The following AKAP6 variants were observed in gnomAD, a reference collection of about 807,000 sequenced individuals.
AKAP6 encodes A-kinase anchor protein 6.
In AKAP6, 58 loss-of-function variants were observed where a neutral mutation model predicts 188.5. The ratio of observed to expected loss-of-function variants is 0.31; its 90% CI spans 0.25 to 0.38. The LOEUF (loss-of-function observed/expected upper bound fraction) is 0.38. AKAP6 is among the 10% of genes least tolerant of loss of function. The pLI, the probability that AKAP6 is intolerant of heterozygous loss-of-function variation, is 1.00. For synonymous variants in AKAP6, 989 were observed against 998.6 expected, an observed-to-expected ratio of 0.99 and a Z score of 0.18; for missense variants, 2,710 against 2,740.0, an observed-to-expected ratio of 0.99 and a Z score of 0.24.
intron 5 of AKAP6, among the ~76,000 whole-genome samples, chr14:32,599,153 C>T (rs1222223365): frequency 1.3e-5 from 2 of 152,230 alleles, no homozygotes; most frequent in South Asian, 2.1e-4. Flanking sequence ...ATATAGCCTA[C>T]GGGATGTGAC....
intron 13 of AKAP6, among the ~76,000 whole-genome samples, chr14:32,828,272 T>G (rs1326452605): frequency 6.6e-6 from 1 of 152,104 alleles, no homozygotes; most frequent in African/African-American, 2.4e-5. Flanking sequence ...TGACATTAGG[T>G]GCTTAATATT....
At chr14:32,567,936 G>GA in intron 4 of AKAP6, among the ~76,000 whole-genome samples, 1 of 152,090 alleles carries the variant, frequency 6.6e-6, no homozygotes, top group East Asian at 1.9e-4. Flanking sequence ...TGAGCAAGTG[G>GA]AAAAAAGAGG....
chr14:32,493,538 C>T (rs1441445786), intron 2 of AKAP6, among the ~76,000 whole-genome samples: 1 of 152,050 alleles, frequency 6.6e-6, no homozygotes, highest in Non-Finnish European at 1.5e-5. Flanking sequence ...ATTTGATATG[C>T]GATTGGATCA....
intron 9 of AKAP6, among the ~76,000 whole-genome samples, chr14:32,728,813 T>C (rs867040568): frequency 6.6e-6 from 1 of 152,186 alleles, no homozygotes; most frequent in Non-Finnish European, 1.5e-5. Context: ...AATTCCATCA[T>C]GCTGCCTTTT....
intron 5 of AKAP6, among the ~76,000 whole-genome samples, chr14:32,580,761 T>G (rs896069032): frequency 6.6e-6 from 1 of 151,936 alleles, no homozygotes; most frequent in African/African-American, 2.4e-5. Flanking sequence ...TGTCCATGTG[T>G]TCTCATTGTT....
intron 4 of AKAP6, among the ~76,000 whole-genome samples, chr14:32,550,820 C>T (rs1277607954): frequency 1.3e-5 from 2 of 152,226 alleles, no homozygotes; most frequent in Non-Finnish European, 2.9e-5. Flanking sequence ...AAATTAACCA[C>T]TAACCACTTC....
intron 4 of AKAP6, among the ~76,000 whole-genome samples, chr14:32,551,298 G>A (rs1047464358): frequency 2.6e-5 from 4 of 152,064 alleles, no homozygotes; most frequent in African/African-American, 9.7e-5. Flanking sequence ...CCAGCTGGGC[G>A]CCGTGGCTCA....
chr14:32,353,701 A>G (rs1265596436), intron 1 of AKAP6, among the ~76,000 whole-genome samples: 1 of 152,214 alleles, frequency 6.6e-6, no homozygotes, highest in Admixed American at 6.5e-5. Context: ...TTGTATATCT[A>G]GAAAACCCCA....
intron 12 of AKAP6, among the ~76,000 whole-genome samples, chr14:32,796,133 A>C (rs2033761595): frequency 6.6e-6 from 1 of 152,172 alleles, no homozygotes; most frequent in Admixed American, 6.6e-5. Context: ...CAGAGAGTAC[A>C]TAAACAAATG....
At chr14:32,704,317 A>T (rs374356525) in intron 9 of AKAP6, among the ~76,000 whole-genome samples, 3 of 152,318 alleles carry the variant, frequency 2.0e-5, no homozygotes, top group East Asian at 3.9e-4. Context: ...ACTTAATTAG[A>T]TGGGAATGCG....
At chr14:32,608,313 A>G (rs925877657) in intron 7 of AKAP6, among the ~76,000 whole-genome samples, 2 of 151,846 alleles carry the variant, frequency 1.3e-5, no homozygotes, top group Non-Finnish European at 2.9e-5. Context: ...AGCCTGGCCA[A>G]TATGGTGAAA....
At chr14:32,817,077 C>G (rs890716583) in intron 12 of AKAP6, among the ~76,000 whole-genome samples, 1 of 152,026 alleles carries the variant, frequency 6.6e-6, no homozygotes, top group African/African-American at 2.4e-5. Flanking sequence ...CATCAATTCT[C>G]TATTAGGTTA....
chr14:32,352,917 G>A (rs1887338978), intron 1 of AKAP6, among the ~76,000 whole-genome samples: 1 of 152,200 alleles, frequency 6.6e-6, no homozygotes, highest in Non-Finnish European at 1.5e-5. Flanking sequence ...TGAATACCCA[G>A]TAGTGGAATT....
rs190481252 is a variant in AKAP6, at chr14:32,595,778, G to A, written c.2470-3632G>A. 2.6e-3 allele frequency among the ~76,000 whole-genome samples: 391 copies of A among 152,040 alleles called. 1 individual carries two copies. The highest frequency in any genetic ancestry group is 3.7e-3 in the Non-Finnish European group (252 of 67,994). On this transcript the variant is annotated intron_variant, in intron 5 of 13. Coordinates refer to ENST00000280979, the MANE Select transcript of AKAP6 (RefSeq NM_004274.5). The stretch of plus-strand genomic sequence containing the variant: ...CATATCACTGTTTAGTTTGCTTAAG[G>A]CCCGACCACTCTGTGTTATACACTA...
chr14:32,601,003 TG>T (rs933389827), intron 7 of AKAP6, among the ~76,000 whole-genome samples: 3 of 152,256 alleles, frequency 2.0e-5, no homozygotes, highest in African/African-American at 7.2e-5. Context: ...GGTCTTTTTT[TG>T]AAAAGTGGCA....
In AKAP6 at chr14:32,588,530, G is replaced by A. The variant is rs151093910; in HGVS notation, c.2470-10880G>A. ...CTCTAAGTCCTGAAAAATGAGTGGCGTTTGTGTGTGTATGAGTTTTGAGGC... is the reference window on the plus strand; with the variant it reads ...CTCTAAGTCCTGAAAAATGAGTGGCATTTGTGTGTGTATGAGTTTTGAGGC... On this transcript the variant is annotated intron_variant, in intron 5 of 13. Transcript: ENST00000280979. Among the ~76,000 whole-genome samples, 21 of 152,268 alleles carry A rather than the reference G, an allele frequency of 1.4e-4. No homozygotes were observed. The East Asian group carries it at 2.3e-3, about 17-fold the overall frequency.
At position 32,824,400 on chromosome 14, in the gene AKAP6, C is replaced by T. The variant is rs766618832; in HGVS notation, c.6587C>T (p.Ser2196Phe). Reference sequence around the variant, plus strand: ...CCACTACAAGCAACAGCATGTTCTTCTGAGTTCAGTGATAGTTCTCTTTCA... The same window carrying T: ...CCACTACAAGCAACAGCATGTTCTTTTGAGTTCAGTGATAGTTCTCTTTCA... Reference protein sequence around the residue: ...AMPLQATACSSEFSDSSLSAD... With the variant: ...AMPLQATACSFEFSDSSLSAD... Residue 2196 changes from serine (S) to phenylalanine (F), a missense_variant, in exon 13 of 14, where the codon TCT becomes TTT. Around this residue, in one of 2 missense-constraint regions of AKAP6, gnomAD observed 2,473 missense variants for 2,426.1 expected, o/e 1.02. Transcript: ENST00000280979. The T allele has an allele frequency of 8.1e-6, 13 of 1,613,846 alleles. No homozygotes were observed. Among genetic ancestry groups the T allele is most frequent in the Admixed American group, 3.3e-5 (2 of 59,900 alleles).
At position 32,735,761 on chromosome 14, in the gene AKAP6, A is replaced by G; in HGVS notation, c.3251A>G (p.Glu1084Gly). 6.2e-7 allele frequency: 1 copy of G among 1,613,582 alleles called. No individual in the cohort carries two copies. Among genetic ancestry groups the G allele is most frequent in the Non-Finnish European group, 8.5e-7 (1 of 1,179,762 alleles). ...PESGSLVRQLEVRIKELKGWL... is the reference protein window; with the variant it reads ...PESGSLVRQLGVRIKELKGWL... ...AGTGGAAGCCTGGTAAGGCAGCTGG[A>G]GGTCAGGATCAAAGAACTGAAAGGA... The change falls in exon 11 of 14, where the codon GAG becomes GGG. Residue 1084 changes from glutamate to glycine, a missense_variant. Physicochemically the swap from Glu to Gly is moderately conservative, Grantham distance 98 (BLOSUM62 -2). Around this residue, in one of 2 missense-constraint regions of AKAP6, gnomAD observed 2,473 missense variants for 2,426.1 expected, o/e 1.02. Transcript: ENST00000280979.
In AKAP6 at chr14:32,824,317, G is replaced by T. The variant is rs144838103; in HGVS notation, c.6504G>T (p.Glu2168Asp). 791 of 1,613,808 alleles carry T rather than the reference G, an allele frequency of 4.9e-4. 9 individuals are homozygous for T. The African/African-American group carries it at 9.5e-3, about 19-fold the overall frequency. Reference sequence around the variant, plus strand: ...TTGAGGGTGACTCTGATGGAGAGGAGCCTTGTTTCTCTAGTGCTCCTCCAA... The same window carrying T: ...TTGAGGGTGACTCTGATGGAGAGGATCCTTGTTTCTCTAGTGCTCCTCCAA... Reference protein sequence around the residue: ...ACVEGDSDGEEPCFSSAPPNE... With the variant: ...ACVEGDSDGEDPCFSSAPPNE... Residue 2168 changes from glutamate to aspartate, a missense_variant, in exon 13 of 14, where the codon GAG becomes GAT. Transcript: ENST00000280979.
Sources: allele counts gnomAD v4.1 joint callset (sites outside exome capture counted in the v4.1 genomes callset), GRCh38; gene constraint gnomAD v4.1.1; regional missense constraint gnomAD v4.1.1; transcripts MANE v1.5; gene names NCBI Gene and HGNC (gene_info 2026-07-23, HGNC 2026-07-21).